The following ULK2 variants were observed in gnomAD, a reference collection of about 807,000 sequenced individuals.
ULK2 encodes the protein unc-51 like autophagy activating kinase 2.
ULK2 carries 76 observed loss-of-function variants against 127.5 expected under a neutral mutation model. The ratio of observed to expected loss-of-function variants is 0.60; its 90% CI spans 0.50 to 0.72. ULK2 has a LOEUF of 0.72. Ranked by LOEUF, ULK2 falls within the 30% of genes least tolerant of loss-of-function variation. The pLI is 0.00. For missense variants in ULK2, 1,144 were observed against 1,295.9 expected (o/e 0.88, Z 1.80); for synonymous variants, 452 against 461.9 (o/e 0.98, Z 0.28).
rs778253231 is a variant in ULK2, at chr17:19,796,124, G to A, written c.1968C>T (p.Ala656=). The change falls in exon 19 of 27, where the codon GCC becomes GCT. Residue 656 remains alanine, a synonymous_variant. Transcript: ENST00000395544. The stretch of plus-strand genomic sequence containing the variant: ...CAAACACTGCCTTGCTCTGCTGCTC[G>A]GCCCGCTGCCTCTCACTTCCTTGCA... The part of the protein sequence containing the change: ...LLVQGSERQR[A]EQQSKAVFGR... The A allele has an allele frequency of 4.0e-5, 65 of 1,613,110 alleles. No homozygotes were observed. The highest frequency in any genetic ancestry group is 2.3e-4 in the African/African-American group (17 of 74,822).
chr17:19,823,766 G>A (rs752656307), intron 12 of ULK2, among the ~76,000 whole-genome samples: 2 of 152,136 alleles, frequency 1.3e-5, no homozygotes, highest in Non-Finnish European at 2.9e-5. Flanking sequence ...AGCGTGTCTG[G>A]CTCTTAATTT....
At position 19,798,818 on chromosome 17, in the gene ULK2, T is replaced by A. The variant is rs181117128; in HGVS notation, c.1522+677A>T. On this transcript the variant is annotated intron_variant, in intron 17 of 26. Transcript: ENST00000395544. ...TCTTTTCAGGCAAATACATATAATT[T>A]TTAAAATCTATATTATTTTATCTGA... Among the ~76,000 whole-genome samples the A allele has an allele frequency of 8.5e-5, 13 of 152,288 alleles. No individual in the cohort carries two copies. The East Asian group carries it at 2.3e-3, about 27-fold the overall frequency.
At position 19,801,864 on chromosome 17, in the gene ULK2, A is replaced by G. The variant is rs1429947307; in HGVS notation, c.1354T>C (p.Cys452Arg). The G allele has an allele frequency of 1.2e-6, 2 of 1,614,070 alleles. No homozygotes were observed. Among genetic ancestry groups the G allele is most frequent in the African/African-American group, 1.3e-5 (1 of 74,950 alleles). ...GCTGTGTCTGCTGGTACTGGGGAGCATGATCCCGGCCGGAGGAAGCCCATG... is the reference window on the plus strand; with the variant it reads ...GCTGTGTCTGCTGGTACTGGGGAGCGTGATCCCGGCCGGAGGAAGCCCATG... ...SPMGFLRPGS[C>R]SPVPADTAQT... Residue 452 changes from cysteine (C) to arginine (R), a missense_variant, in exon 16 of 27, where the codon TGC becomes CGC. By Grantham distance (180) the Cys-to-Arg change is radical. Transcript: ENST00000395544.
rs1411691592 is a variant in ULK2, at chr17:19,825,183, C to G, written c.836-1G>C. Reference sequence around the variant, plus strand: ...TACATGGGCACTGGAACTGGGCAAGCTAGGGGAAGAAACACAAATGAACTA... The same window carrying G: ...TACATGGGCACTGGAACTGGGCAAGGTAGGGGAAGAAACACAAATGAACTA... On this transcript the variant is annotated splice_acceptor_variant, in intron 11 of 26. Coordinates refer to ENST00000395544, the MANE Select transcript of ULK2 (RefSeq NM_014683.4). LOFTEE classifies it high-confidence loss of function. 10 of 1,613,964 alleles carry G rather than the reference C, an allele frequency of 6.2e-6. No individual in the cohort carries two copies. Among genetic ancestry groups the G allele is most frequent in the Middle Eastern group, 1.6e-4 (1 of 6,062 alleles).
intron 6 of ULK2, among the ~76,000 whole-genome samples, chr17:19,846,444 A>C (rs1376071749): frequency 6.6e-6 from 1 of 152,116 alleles, no homozygotes; most frequent in Non-Finnish European, 1.5e-5. Context: ...GTTCAAGACC[A>C]GCCTGGCCAA....
intron 16 of ULK2, 74 bp from the exon 17 acceptor site, chr17:19,799,649 C>A: frequency 7.2e-7 from 1 of 1,380,082 alleles, no homozygotes; most frequent in South Asian, 1.6e-5. Context: ...TGGCAACAGG[C>A]AACACATGCA....
chr17:19,838,346 T>C (rs1265174823), intron 10 of ULK2, among the ~76,000 whole-genome samples, 155 bp downstream of exon 10: 3 of 152,160 alleles, frequency 2.0e-5, no homozygotes, highest in African/African-American at 7.2e-5. Context: ...AACATAGTAA[T>C]AAGCACTCAA....
intron 13 of ULK2, among the ~76,000 whole-genome samples, chr17:19,812,509 T>G (rs534256601): frequency 1.8e-4 from 27 of 152,334 alleles, no homozygotes; most frequent in African/African-American, 6.5e-4. Context: ...TCAGAATACT[T>G]ACACTGGCCT....
chr17:19,849,355 A>G lies in ULK2; in HGVS notation c.295+14T>C, dbSNP rs1362382506. The G allele has an allele frequency of 1.9e-6, 3 of 1,606,978 alleles. No individual in the cohort carries two copies. The highest frequency in any genetic ancestry group is 2.6e-6 in the Non-Finnish European group (3 of 1,175,828). On this transcript the variant is annotated intron_variant, in intron 5 of 26. Transcript: ENST00000395544. The stretch of plus-strand genomic sequence containing the variant: ...CACTGTCTTTACTGAACACTGACAC[A>G]CATACACAGTTACCTTGCAAATAAT...
At chr17:19,833,625 C>A (rs936050614) in intron 10 of ULK2, among the ~76,000 whole-genome samples, 4 of 151,694 alleles carry the variant, frequency 2.6e-5, no homozygotes, top group Admixed American at 6.6e-5. Flanking sequence ...CAGGAGACAG[C>A]GACTCATCAA....
intron 15 of ULK2, among the ~76,000 whole-genome samples, 163 bp from the exon 16 acceptor site, chr17:19,802,085 C>G (rs2087413582): frequency 6.6e-6 from 1 of 152,246 alleles, no homozygotes; most frequent in Admixed American, 6.5e-5. Flanking sequence ...AGGTCTCCCT[C>G]TCATTTTTCT....
chr17:19,828,394 C>G (rs1024638014), intron 10 of ULK2, among the ~76,000 whole-genome samples: 1 of 152,184 alleles, frequency 6.6e-6, no homozygotes, highest in Non-Finnish European at 1.5e-5. Context: ...TGTAACTTCA[C>G]TTTTTCACTT....
chr17:19,805,445 A>G (rs898803972), intron 14 of ULK2, among the ~76,000 whole-genome samples: 1 of 152,200 alleles, frequency 6.6e-6, no homozygotes, highest in Non-Finnish European at 1.5e-5. Context: ...CATATCCTAA[A>G]AACATATCAG....
intron 9 of ULK2, 133 bp downstream of exon 9, chr17:19,841,356 T>C (rs2041750385): frequency 1.1e-6 from 1 of 877,990 alleles, no homozygotes; most frequent in East Asian, 2.8e-5. Context: ...AATTTTCTAA[T>C]TTGTTGTAAC....
chr17:19,812,581 C>G (rs1173171141), intron 13 of ULK2, among the ~76,000 whole-genome samples: 1 of 152,250 alleles, frequency 6.6e-6, no homozygotes, highest in Non-Finnish European at 1.5e-5. Flanking sequence ...CAGCTGTTTA[C>G]TCTGGTGATC....
At chr17:19,812,178 T>C (rs929618504) in intron 13 of ULK2, among the ~76,000 whole-genome samples, 3 of 152,136 alleles carry the variant, frequency 2.0e-5, no homozygotes, top group Non-Finnish European at 4.4e-5. Context: ...GCACTGAAGG[T>C]AGGACTAAAA....
At chr17:19,820,731 T>C (rs1597763732) in intron 12 of ULK2, among the ~76,000 whole-genome samples, 3 of 152,220 alleles carry the variant, frequency 2.0e-5, no homozygotes, top group East Asian at 1.9e-4. Context: ...GCTTACAATA[T>C]CATTCTTTCA....
intron 1 of ULK2, among the ~76,000 whole-genome samples, chr17:19,866,426 T>C (rs2042352703): frequency 1.3e-5 from 2 of 152,078 alleles, no homozygotes; most frequent in Non-Finnish European, 2.9e-5. Context: ...GAGAATCGCT[T>C]GAGCCCGGGA....
At chr17:19,835,453 AC>A (rs1237504961) in intron 10 of ULK2, among the ~76,000 whole-genome samples, 21 of 150,910 alleles carry the variant, frequency 1.4e-4, no homozygotes, top group African/African-American at 4.8e-4. Context: ...GCGGTGGCTC[AC>A]GCCTGTAATC....
Sources: gnomAD v4.1 joint callset for allele counts (sites outside exome capture counted in the v4.1 genomes callset) on GRCh38, gnomAD v4.1.1 for gene constraint, MANE v1.5 for transcripts, NCBI Gene and HGNC (gene_info 2026-07-23, HGNC 2026-07-21) for gene names.